BBX: variants seen among roughly 807,000 people sequenced by gnomAD.
BBX encodes the protein HMG box transcription factor BBX.
BBX carries 30 observed loss-of-function variants against 100.2 expected under a neutral mutation model. The observed-to-expected ratio is 0.30, with a 90% CI of 0.22 to 0.41. BBX has a LOEUF of 0.41. BBX is among the 10% of genes least tolerant of loss of function. The pLI is 1.00. For missense variants in BBX, 1,023 were observed against 1,129.8 expected (o/e 0.91, Z 1.35); for synonymous variants, 376 against 388.1 (o/e 0.97, Z 0.37).
intron 3 of BBX, among the ~76,000 whole-genome samples, chr3:107,685,107 A>G (rs936098974): frequency 1.8e-4 from 27 of 152,206 alleles, no homozygotes; most frequent in African/African-American, 5.5e-4. Context: ...GAGAAACTAG[A>G]GAACAGAAAA....
chr3:107,695,757 C>G (rs972227385), intron 3 of BBX, among the ~76,000 whole-genome samples: 28 of 148,942 alleles, frequency 1.9e-4, no homozygotes, highest in South Asian at 6.4e-4. Context: ...TCCTTGTTGA[C>G]TTTCTGTCTT....
chr3:107,770,665 AC>A (rs1477285184), intron 10 of BBX, among the ~76,000 whole-genome samples: 1 of 152,154 alleles, frequency 6.6e-6, no homozygotes, highest in Non-Finnish European at 1.5e-5. Context: ...AGGTTAGCTT[AC>A]CTGAATTCCT....
At chr3:107,743,653 G>A (rs1379701007) in intron 7 of BBX, among the ~76,000 whole-genome samples, 1 of 152,182 alleles carries the variant, frequency 6.6e-6, no homozygotes. Flanking sequence ...GTTTTTAGGA[G>A]CATAATCTGG....
At chr3:107,557,272 G>A (rs1339745947) in intron 2 of BBX, among the ~76,000 whole-genome samples, 1 of 152,120 alleles carries the variant, frequency 6.6e-6, no homozygotes, top group Non-Finnish European at 1.5e-5. Flanking sequence ...AGGGATGATG[G>A]CAGTGGACAA....
intron 16 of BBX, among the ~76,000 whole-genome samples, chr3:107,800,761 C>A (rs2070362253): frequency 6.6e-6 from 1 of 152,158 alleles, no homozygotes; most frequent in Admixed American, 6.5e-5. Context: ...ATCTACAGGC[C>A]CCTCTACAGA....
Position 107,728,787 on chromosome 3 carries a change from C to G in BBX, c.428C>G (p.Ala143Gly), listed in dbSNP as rs1255377082. 6.2e-7 allele frequency: 1 copy of G among 1,613,016 alleles called. No homozygotes were observed. The highest frequency in any genetic ancestry group is 8.5e-7 in the Non-Finnish European group (1 of 1,179,482). Residue 143 changes from alanine to glycine, a missense_variant, in exon 6 of 18, where the codon GCA becomes GGA. By Grantham distance (60) the Ala-to-Gly change is moderately conservative (BLOSUM62 0). Transcript: ENST00000325805. The stretch of plus-strand genomic sequence containing the variant: ...TAGTATAAGGATGCATTTATGAAAG[C>G]AAATCCTGGCTACAAATGGTGTCCT... ...AKEYKDAFMK[A>G]NPGYKWCPTT...
At chr3:107,541,207 A>G (rs544978533) in intron 2 of BBX, among the ~76,000 whole-genome samples, 1 of 152,302 alleles carries the variant, frequency 6.6e-6, no homozygotes, top group South Asian at 2.1e-4. Context: ...CAAAGTTGTT[A>G]AGTGTCTTGA....
At chr3:107,609,429 C>T (rs2054676568) in intron 2 of BBX, among the ~76,000 whole-genome samples, 1 of 152,038 alleles carries the variant, frequency 6.6e-6, no homozygotes, top group African/African-American at 2.4e-5. Flanking sequence ...TCCCCATCTC[C>T]TCTATTTTCT....
chr3:107,655,457 G>A (rs1398268224), intron 3 of BBX, among the ~76,000 whole-genome samples: 3 of 149,970 alleles, frequency 2.0e-5, no homozygotes, highest in African/African-American at 2.5e-5. Flanking sequence ...AGGAGATATC[G>A]TATGATTCTT....
intron 3 of BBX, among the ~76,000 whole-genome samples, chr3:107,709,658 A>G (rs1306683539): frequency 6.6e-6 from 1 of 152,250 alleles, no homozygotes; most frequent in African/African-American, 2.4e-5. Context: ...GAGAAAACAT[A>G]CAGGAAACTA....
chr3:107,558,251 C>G (rs2050226736), intron 2 of BBX, among the ~76,000 whole-genome samples: 1 of 152,142 alleles, frequency 6.6e-6, no homozygotes, highest in Admixed American at 6.5e-5. Context: ...CTTTGGGAGG[C>G]CAAGGCAGGC....
chr3:107,721,207 G>T (rs1018280096), intron 5 of BBX, among the ~76,000 whole-genome samples: 1 of 151,930 alleles, frequency 6.6e-6, no homozygotes. Flanking sequence ...TCTTTTGACT[G>T]TTTTTTGAAA....
intron 3 of BBX, among the ~76,000 whole-genome samples, chr3:107,675,808 T>G (rs2059252015): frequency 6.6e-6 from 1 of 152,140 alleles, no homozygotes; most frequent in Admixed American, 6.6e-5. Context: ...CTGTGGGTCT[T>G]TTTATTGTCA....
At chr3:107,800,997 G>A (rs1440870741) in intron 16 of BBX, 98 bp from the exon 17 acceptor site, 10 of 1,161,502 alleles carry the variant, frequency 8.6e-6, no homozygotes, top group South Asian at 4.4e-5. Context: ...GGTAGAGAAT[G>A]TTAGCTCTTT....
intron 13 of BBX, among the ~76,000 whole-genome samples, chr3:107,781,547 G>C (rs1252425619): frequency 6.6e-6 from 1 of 151,980 alleles, no homozygotes; most frequent in Non-Finnish European, 1.5e-5. Context: ...TAAATTATAT[G>C]TCTAAATTTA....
At chr3:107,803,340 C>T (rs7612020) in intron 17 of BBX, among the ~76,000 whole-genome samples, 146,846 of 152,180 alleles carry the variant, frequency 0.96, 71,036 homozygotes, top group Middle Eastern at 1. Flanking sequence ...ACTTGAGCCC[C>T]TACCTGTTAA....
chr3:107,714,174 C>A (rs2061938914), intron 4 of BBX, among the ~76,000 whole-genome samples: 1 of 151,630 alleles, frequency 6.6e-6, no homozygotes, highest in African/African-American at 2.4e-5. Flanking sequence ...CTGGGTTTCA[C>A]CATGTTGGTC....
At chr3:107,662,818 A>G (rs767395812) in intron 3 of BBX, 2 of 152,128 alleles carry the variant, frequency 1.3e-5, no homozygotes, top group Non-Finnish European at 2.9e-5. Flanking sequence ...CTGAATCTCA[A>G]TTTCCACATG....
At chr3:107,676,102 T>C (rs1451631677) in intron 3 of BBX, among the ~76,000 whole-genome samples, 1 of 152,096 alleles carries the variant, frequency 6.6e-6, no homozygotes, top group East Asian at 1.9e-4. Context: ...TCTGAAAATA[T>C]CTAGAAAATT....
Sources: gnomAD v4.1 joint callset for allele counts (sites outside exome capture counted in the v4.1 genomes callset) on GRCh38, gnomAD v4.1.1 for gene constraint, MANE v1.5 for transcripts, NCBI Gene and HGNC (gene_info 2026-07-23, HGNC 2026-07-21) for gene names.